GRID2: variants seen among roughly 807,000 people sequenced by gnomAD.
GRID2 encodes the protein glutamate ionotropic receptor delta type subunit 2, also known as glutamate receptor ionotropic, delta-2.
In GRID2, 33 loss-of-function variants were observed where a neutral mutation model predicts 114.8. The ratio of observed to expected loss-of-function variants is 0.29; its 90% CI spans 0.22 to 0.38. The LOEUF (loss-of-function observed/expected upper bound fraction) is 0.38. GRID2 is among the 10% of genes least tolerant of loss of function. The pLI is 1.00. For missense variants in GRID2, 1,184 were observed against 1,257.7 expected (o/e 0.94, Z 0.89); for synonymous variants, 505 against 449.9 (o/e 1.12, Z -1.55).
At chr4:93,301,575 G>A (rs1203175388) in intron 8 of GRID2, among the ~76,000 whole-genome samples, 2 of 152,038 alleles carry the variant, frequency 1.3e-5, no homozygotes, top group Non-Finnish European at 2.9e-5. Flanking sequence ...AAACAGAAAT[G>A]GTGATCATCA....
intron 2 of GRID2, among the ~76,000 whole-genome samples, chr4:92,708,848 C>T (rs953647912): frequency 1.3e-5 from 2 of 152,046 alleles, no homozygotes; most frequent in African/African-American, 2.4e-5. Flanking sequence ...ATCCAGGCGG[C>T]GGAGGTTGCA....
Position 93,803,454 on chromosome 4 carries a change from T to G in GRID2, c.222-3261T>G, listed in dbSNP as rs573409825. Among the ~76,000 whole-genome samples the G allele has an allele frequency of 1.6e-3, 244 of 152,320 alleles. 1 individual carries two copies. Among genetic ancestry groups the G allele is most frequent in the African/African-American group, 5.5e-3 (228 of 41,574 alleles). On this transcript the variant is annotated intron_variant, in intron 1 of 1. Transcript: ENST00000637838. Reference sequence around the variant, plus strand: ...CCACACCTTTTTTGGCCGGGTGCGGTGGCTCGCACCTGTAATCCCAGCACT... The same window carrying G: ...CCACACCTTTTTTGGCCGGGTGCGGGGGCTCGCACCTGTAATCCCAGCACT...
intron 2 of GRID2, among the ~76,000 whole-genome samples, chr4:92,844,225 T>G (rs1188484686): frequency 6.6e-6 from 1 of 151,966 alleles, no homozygotes; most frequent in Non-Finnish European, 1.5e-5. Flanking sequence ...GATTACTAGT[T>G]TTTCTGTCAG....
At chr4:93,446,599 T>A (rs1427174866) in intron 10 of GRID2, among the ~76,000 whole-genome samples, 2 of 152,034 alleles carry the variant, frequency 1.3e-5, no homozygotes, top group Non-Finnish European at 2.9e-5. Context: ...AGAGCTAAAG[T>A]GAATTGAAGA....
At chr4:93,173,610 A>C (rs1307156556) in intron 4 of GRID2, among the ~76,000 whole-genome samples, 1 of 152,188 alleles carries the variant, frequency 6.6e-6, no homozygotes, top group African/African-American at 2.4e-5. Context: ...CTTGGCTTAC[A>C]TAAAATTGTC....
At chr4:92,581,007 G>A (rs548988842) in intron 1 of GRID2, among the ~76,000 whole-genome samples, 1 of 150,912 alleles carries the variant, frequency 6.6e-6, no homozygotes, top group Non-Finnish European at 1.5e-5. Flanking sequence ...GCAGAATTTT[G>A]TAATAATAGG....
chr4:93,570,527 T>C (rs1735842452), intron 13 of GRID2, among the ~76,000 whole-genome samples: 1 of 152,140 alleles, frequency 6.6e-6, no homozygotes, highest in South Asian at 2.1e-4. Flanking sequence ...TTTAAAAAGC[T>C]TTATTAAGTG....
intron 3 of GRID2, among the ~76,000 whole-genome samples, chr4:93,092,213 CA>C (rs1730852252): frequency 6.6e-6 from 1 of 152,010 alleles, no homozygotes; most frequent in Non-Finnish European, 1.5e-5. Context: ...ACTACCAGGC[CA>C]TTGTTGAGCA....
At chr4:93,099,031 G>GTGTGTGTGT (rs1731474125) in intron 3 of GRID2, among the ~76,000 whole-genome samples, 2 of 148,768 alleles carry the variant, frequency 1.3e-5, no homozygotes, top group African/African-American at 2.5e-5. Context: ...GTGTGTGTAT[G>GTGTGTGTGT]ATACACATAG....
intron 1 of GRID2, among the ~76,000 whole-genome samples, chr4:92,316,493 G>T (rs1406767699): frequency 6.6e-6 from 1 of 152,014 alleles, no homozygotes; most frequent in Non-Finnish European, 1.5e-5. Flanking sequence ...TATCAATTTA[G>T]GGTTACATGA....
intron 2 of GRID2, among the ~76,000 whole-genome samples, chr4:92,871,871 T>TACTACCTTGAGGGGCTCTTTTTC: frequency 6.6e-6 from 1 of 152,202 alleles, no homozygotes; most frequent in Non-Finnish European, 1.5e-5. Context: ...AAATGTTTTT[T>TACTACCTTGAGGGGCTCTTTTTC]ACTACCTTGA....
In GRID2 at chr4:92,867,197, G is replaced by A. The variant is rs535111792; in HGVS notation, c.245-217798G>A. Among the ~76,000 whole-genome samples the A allele has an allele frequency of 4.0e-4, 61 of 151,654 alleles. 2 individuals carry two copies. In the East Asian group the frequency reaches 5.4e-3, roughly 14 times the overall value. On this transcript the variant is annotated intron_variant, in intron 2 of 15. Coordinates refer to ENST00000282020, the MANE Select transcript of GRID2 (RefSeq NM_001510.4). ...TTATTAATAACATATTGGTTATTGCGCTGCAATAATTTATCCCATTGTCTT... is the reference window on the plus strand; with the variant it reads ...TTATTAATAACATATTGGTTATTGCACTGCAATAATTTATCCCATTGTCTT...
chr4:92,360,593 A>G (rs1560586284), intron 1 of GRID2, among the ~76,000 whole-genome samples: 2 of 152,028 alleles, frequency 1.3e-5, no homozygotes, highest in South Asian at 2.1e-4. Context: ...GTGAAAGTAG[A>G]GTCACATTCC....
intron 9 of GRID2, among the ~76,000 whole-genome samples, chr4:93,397,825 A>G (rs1365015859): frequency 6.6e-6 from 1 of 151,920 alleles, no homozygotes; most frequent in Non-Finnish European, 1.5e-5. Flanking sequence ...CTTAATACCT[A>G]ATACAGTGTA....
At chr4:92,443,362 G>A (rs2149070071) in intron 1 of GRID2, among the ~76,000 whole-genome samples, 1 of 152,266 alleles carries the variant, frequency 6.6e-6, no homozygotes, top group East Asian at 1.9e-4. Context: ...TAGGTCAGGT[G>A]TGAGTTGAAT....
intron 1 of GRID2, among the ~76,000 whole-genome samples, chr4:92,351,984 C>T (rs979654895): frequency 2.0e-5 from 3 of 151,894 alleles, no homozygotes; most frequent in Middle Eastern, 6.8e-3. Flanking sequence ...GATATCATTT[C>T]GATGTACTTA....
chr4:92,550,349 T>C (rs1373956279), intron 1 of GRID2, among the ~76,000 whole-genome samples: 1 of 152,184 alleles, frequency 6.6e-6, no homozygotes, highest in Non-Finnish European at 1.5e-5. Context: ...TTGTAATACA[T>C]ATTTAGTTTA....
chr4:93,806,801 C>G (rs1735042562), exon 2 of GRID2: 1 of 152,226 alleles, frequency 6.6e-6, no homozygotes, highest in Admixed American at 6.5e-5. Context: ...GCAGCAATAC[C>G]TGGAGAAGCC....
At chr4:92,958,316 A>G (rs1012474888) in intron 2 of GRID2, among the ~76,000 whole-genome samples, 3 of 151,988 alleles carry the variant, frequency 2.0e-5, no homozygotes, top group Admixed American at 1.3e-4. Flanking sequence ...AGCAAGTTCT[A>G]TTCTTAGTTG....
Sources: allele counts gnomAD v4.1 joint callset (sites outside exome capture counted in the v4.1 genomes callset), GRCh38; gene constraint gnomAD v4.1.1; transcripts MANE v1.5; gene names NCBI Gene and HGNC (gene_info 2026-07-23, HGNC 2026-07-21).